The following ADAMTS13 variants were observed in gnomAD, a reference collection of about 807,000 sequenced individuals.
The protein encoded by ADAMTS13 is A disintegrin and metalloproteinase with thrombospondin motifs 13.
In ADAMTS13, 110 loss-of-function variants were observed where a neutral mutation model predicts 155.1. The observed-to-expected ratio is 0.71, with a 90% CI of 0.61 to 0.83. The LOEUF is 0.83. Among genes scored for constraint, ADAMTS13 ranks in the 40% least tolerant of loss-of-function variants. The pLI, the probability that ADAMTS13 is intolerant of heterozygous loss-of-function variation, is 0.00. For missense variants in ADAMTS13, 1,707 were observed against 1,891.7 expected (o/e 0.90, Z 1.81); for synonymous variants, 758 against 756.4 (o/e 1.00, Z -0.03).
rs587614753 is a variant in ADAMTS13, at chr9:133,439,452, T to C, written c.1786+6T>C. On this transcript the variant is annotated splice_donor_region_variant and intron_variant, in intron 15 of 28. Transcript: ENST00000355699. The stretch of plus-strand genomic sequence containing the variant: ...GCCTCTCTTCACACACTTGGGTGAG[T>C]TGACTGGAGGACTCCCACCCAGTTA... The C allele has an allele frequency of 7.4e-5, 120 of 1,611,840 alleles. 2 individuals are homozygous for C. The South Asian group carries it at 1.3e-3, about 17-fold the overall frequency.
At position 133,445,961 on chromosome 9, in the gene ADAMTS13, A is replaced by G. The variant is rs1842039980; in HGVS notation, c.2731+142A>G. On this transcript the variant is annotated intron_variant, in intron 21 of 28. Coordinates refer to ENST00000355699, the MANE Select transcript of ADAMTS13 (RefSeq NM_139027.6). The surrounding 1 kb of genome is among the most constrained non-coding windows in gnomAD (Gnocchi z 5.0). ...TGGGAACACGTGGTAATACACAAGGAGACTAAGCATAGTAGCTGACAGCCA... is the reference window on the plus strand; with the variant it reads ...TGGGAACACGTGGTAATACACAAGGGGACTAAGCATAGTAGCTGACAGCCA... 8.0e-7 allele frequency: 1 copy of G among 1,245,010 alleles called. No homozygotes were observed. The highest frequency in any genetic ancestry group is 2.0e-4 in the Middle Eastern group (1 of 5,070). The allele number at this position is 1,245,010 out of a possible 1,614,324, so 77.1% of individuals were successfully genotyped here. A position where few individuals can be genotyped will look rare whatever the true frequency, so the allele number is the denominator to read the frequency against.
intron 1 of ADAMTS13, among the ~76,000 whole-genome samples, chr9:133,415,200 TGTG>T (rs1554781300): frequency 6.6e-6 from 1 of 152,200 alleles, no homozygotes; most frequent in Non-Finnish European, 1.5e-5. Flanking sequence ...ATGGGTCACT[TGTG>T]GTGAAATGCT....
chr9:133,453,606 G>A (rs913771507), intron 23 of ADAMTS13, among the ~76,000 whole-genome samples: 1 of 152,228 alleles, frequency 6.6e-6, no homozygotes, highest in African/African-American at 2.4e-5. Context: ...AGGCTGCAGT[G>A]AGCCGTGATC....
At chr9:133,430,427 G>C (rs1840666213) in intron 8 of ADAMTS13, among the ~76,000 whole-genome samples, 1 of 152,112 alleles carries the variant, frequency 6.6e-6, no homozygotes, top group African/African-American at 2.4e-5. Context: ...TGTGGCTGGA[G>C]TCAGACTGGA....
chr9:133,437,865 A>C lies in ADAMTS13; in HGVS notation c.1552A>C (p.Thr518Pro). The C allele has an allele frequency of 1.9e-6, 3 of 1,613,692 alleles. No individual in the cohort carries two copies. Among genetic ancestry groups the C allele is most frequent in the Non-Finnish European group, 2.5e-6 (3 of 1,179,986 alleles). Residue 518 changes from threonine (T) to proline (P), a missense_variant, in exon 13 of 29, where the codon ACC (threonine) becomes CCC (proline). Thr to Pro is a conservative substitution (Grantham distance 38, BLOSUM62 -1). Transcript: ENST00000355699. ...CMPSGPREDG[T>P]LSLCVSGSCR... ...GCCAAGTGGCCCCCGGGAGGACGGG[A>C]CCCTGAGCCTGTGTGTGTCGGGCAG... is the stretch of plus-strand genomic sequence containing the variant.
intron 7 of ADAMTS13, 128 bp from the exon 8 acceptor site, chr9:133,429,810 GA>G: frequency 1.6e-6 from 2 of 1,268,636 alleles, no homozygotes; most frequent in Non-Finnish European, 2.2e-6. Context: ...CGCGGGCCGA[GA>G]ACTCCTGTTC....
chr9:133,437,701 G>GCCCCTCCTGCT (rs1564423239), intron 12 of ADAMTS13, 48 bp from the exon 13 acceptor site: 1 of 1,612,254 alleles, frequency 6.2e-7, no homozygotes, highest in Non-Finnish European at 8.5e-7. Context: ...TGGGGGACTT[G>GCCCCTCCTGCT]CCCCTCCTGC....
rs782123812 is a variant in ADAMTS13 at position 133,449,913 on chromosome 9, C to G, written c.2992C>G (p.Leu998Val). The change falls in exon 23 of 29, where the codon CTG (leucine) becomes GTG (valine). Residue 998 changes from leucine (L) to valine (V), a missense_variant. This residue lies in a region of ADAMTS13 where 961 missense variants were observed against 1,107.9 expected (regional missense o/e 0.87). Coordinates refer to ENST00000355699, the MANE Select transcript of ADAMTS13 (RefSeq NM_139027.6). Reference protein sequence around the residue: ...EILLDTQCQGLPRPEPQEACS... With the variant: ...EILLDTQCQGVPRPEPQEACS... ...CCTGTTGGACACCCAGTGCCAGGGG[C>G]TGCCTCGCCCGGAACCCCAGGAGGC... The G allele has an allele frequency of 1.9e-5, 30 of 1,612,758 alleles. No individual in the cohort carries two copies. The highest frequency in any genetic ancestry group is 1.3e-5 in the African/African-American group (1 of 74,914).
At chr9:133,442,213 T>C (rs1433380465) in intron 16 of ADAMTS13, among the ~76,000 whole-genome samples, 186 bp from the exon 17 acceptor site, 1 of 152,176 alleles carries the variant, frequency 6.6e-6, no homozygotes, top group Non-Finnish European at 1.5e-5. Context: ...TCAAGTGATC[T>C]GCCTGCCTCA....
At position 133,452,896 on chromosome 9, in the gene ADAMTS13, A is replaced by G. The variant is rs144241699; in HGVS notation, c.3045-1519A>G. Among the ~76,000 whole-genome samples, 124 of 152,276 alleles carry G rather than the reference A, an allele frequency of 8.1e-4. 1 individual carries two copies. The highest frequency in any genetic ancestry group is 2.9e-3 in the African/African-American group (120 of 41,568). ...TCCCCTGACTTAGGGCTTCTGTGCT[A>G]GCTCTCGCTGCCTGATGTCTTCTGT... On this transcript the variant is annotated intron_variant, in intron 23 of 28. Coordinates refer to ENST00000355699, the MANE Select transcript of ADAMTS13 (RefSeq NM_139027.6).
At position 133,455,560 on chromosome 9, in the gene ADAMTS13, T is replaced by C. The variant is rs782285009; in HGVS notation, c.3400+125T>C. On this transcript the variant is annotated intron_variant, in intron 25 of 28. Coordinates refer to ENST00000355699, the MANE Select transcript of ADAMTS13 (RefSeq NM_139027.6). ...TGCTCTTCTCCCCGGCTCCCCAGCC[T>C]CGGCGGCTCCTGCCCGGGCCCCAGG... The C allele has an allele frequency of 6.2e-6, 10 of 1,608,470 alleles. No homozygotes were observed. The Admixed American group carries it at 1.2e-4, about 19-fold the overall frequency.
chr9:133,442,972 C>T (rs962105496), intron 18 of ADAMTS13, among the ~76,000 whole-genome samples: 9 of 152,238 alleles, frequency 5.9e-5, no homozygotes, highest in African/African-American at 1.9e-4. Flanking sequence ...AATGTCAGCC[C>T]AGTGGGACCC....
chr9:133,458,616 A>G (rs1255795346), intron 28 of ADAMTS13, among the ~76,000 whole-genome samples: 1 of 148,854 alleles, frequency 6.7e-6, no homozygotes, highest in East Asian at 2.0e-4. Flanking sequence ...TCTGATGTAG[A>G]CTGACAGCTA....
Position 133,441,503 on chromosome 9 carries a change from G to T in ADAMTS13, c.1969-896G>T, listed in dbSNP as rs1422309061. Among the ~76,000 whole-genome samples the T allele has an allele frequency of 6.6e-6, 1 of 152,160 alleles. No homozygotes were observed. The highest frequency in any genetic ancestry group is 2.4e-5 in the African/African-American group (1 of 41,424). On this transcript the variant is annotated intron_variant, in intron 16 of 28. Coordinates refer to ENST00000355699, the MANE Select transcript of ADAMTS13 (RefSeq NM_139027.6). This position sits in a 1 kb window ranked among gnomAD's most constrained non-coding sequence, Gnocchi z 5.0. ...TTCCCTGTGTTGGGCCTGAGAAACC[G>T]CACCGTAACCAACACAGGCTTGCGG...
At chr9:133,415,147 A>C in intron 1 of ADAMTS13, 1 of 702,854 alleles carries the variant, frequency 1.4e-6, no homozygotes, top group Middle Eastern at 2.6e-4. Context: ...GCATCACTGA[A>C]ATTCATTTTC....
rs782244930 is a variant in ADAMTS13 at position 133,448,777 on chromosome 9, G to A, written c.2861+49G>A. 22 of 1,585,276 alleles carry A rather than the reference G, an allele frequency of 1.4e-5. 1 individual carries two copies. The South Asian group carries it at 2.2e-4, about 16-fold the overall frequency. The stretch of plus-strand genomic sequence containing the variant: ...GTGCTGGCCTTCTCCCTGTAAGTGG[G>A]AGACCCGAGCCTTGGCTCCATGCCC... On this transcript the variant is annotated intron_variant, in intron 22 of 28. Transcript: ENST00000355699.
At chr9:133,452,473 C>A (rs587682613) in intron 23 of ADAMTS13, among the ~76,000 whole-genome samples, 33 of 152,254 alleles carry the variant, frequency 2.2e-4, no homozygotes, top group Non-Finnish European at 4.4e-4. Context: ...GTCCTGATTT[C>A]TTTGCCTATG....
At position 133,456,744 on chromosome 9, in the gene ADAMTS13, C is replaced by T; in HGVS notation, c.3724+25C>T. The T allele has an allele frequency of 6.4e-7, 1 of 1,551,984 alleles. No individual in the cohort carries two copies. Among genetic ancestry groups the T allele is most frequent in the Non-Finnish European group, 8.7e-7 (1 of 1,147,362 alleles). On this transcript the variant is annotated intron_variant, in intron 27 of 28. Transcript: ENST00000355699. This position sits in a 1 kb window ranked among gnomAD's most constrained non-coding sequence, Gnocchi z 4.4. ...GGTATGGCCAGGCCTTCTCCACCTCCCTTGGGTGCTCCAGTCCTGGCAGGG... is the reference window on the plus strand; with the variant it reads ...GGTATGGCCAGGCCTTCTCCACCTCTCTTGGGTGCTCCAGTCCTGGCAGGG...
In ADAMTS13 at chr9:133,456,229, C is replaced by G. The variant is rs782732089; in HGVS notation, c.3547+14C>G. Reference sequence around the variant, plus strand: ...ACTGCAGTGCGGGTATGTCTAGGGCCATGCAAGCGATGCTGCCAGTTATGG... The same window carrying G: ...ACTGCAGTGCGGGTATGTCTAGGGCGATGCAAGCGATGCTGCCAGTTATGG... On this transcript the variant is annotated intron_variant, in intron 26 of 28. Coordinates refer to ENST00000355699, the MANE Select transcript of ADAMTS13 (RefSeq NM_139027.6). The surrounding 1 kb of genome is among the most constrained non-coding windows in gnomAD (Gnocchi z 4.4). 6.2e-7 allele frequency: 1 copy of G among 1,613,190 alleles called. No homozygotes were observed. Among genetic ancestry groups the G allele is most frequent in the African/African-American group, 1.3e-5 (1 of 74,932 alleles).
Sources: allele counts gnomAD v4.1 joint callset (sites outside exome capture counted in the v4.1 genomes callset), GRCh38; gene constraint gnomAD v4.1.1; regional missense constraint gnomAD v4.1.1; non-coding constraint Gnocchi (gnomAD v3.1); transcripts MANE v1.5; gene names NCBI Gene and HGNC (gene_info 2026-07-23, HGNC 2026-07-21).